ADAMTS3: variants seen among roughly 807,000 people sequenced by gnomAD.
ADAMTS3 encodes the protein A disintegrin and metalloproteinase with thrombospondin motifs 3.
In ADAMTS3, 73 loss-of-function variants were observed where a neutral mutation model predicts 129.0. The observed-to-expected ratio is 0.57, with a 90% CI of 0.47 to 0.69. The LOEUF (loss-of-function observed/expected upper bound fraction) is 0.69. ADAMTS3 is among the 30% of genes least tolerant of loss of function. The pLI, the probability that ADAMTS3 is intolerant of heterozygous loss-of-function variation, is 0.00. For synonymous variants in ADAMTS3, 477 were observed against 510.8 expected (o/e 0.93, Z 0.89); for missense variants, 1,457 against 1,514.5 (o/e 0.96, Z 0.63).
intron 3 of ADAMTS3, among the ~76,000 whole-genome samples, chr4:72,500,714 C>T (rs561483957): frequency 6.6e-6 from 1 of 151,984 alleles, no homozygotes; most frequent in Non-Finnish European, 1.5e-5. Flanking sequence ...TATGGTATTT[C>T]CCAGGTTTTC....
intron 8 of ADAMTS3, 51 bp from the exon 9 acceptor site, chr4:72,319,526 C>T: frequency 6.4e-7 from 1 of 1,555,392 alleles, no homozygotes; most frequent in East Asian, 2.3e-5. Flanking sequence ...ACTGCCTTCA[C>T]TTAATTTTGG....
chr4:72,500,287 T>C (rs1181672019), intron 3 of ADAMTS3, among the ~76,000 whole-genome samples: 1 of 152,138 alleles, frequency 6.6e-6, no homozygotes, highest in Non-Finnish European at 1.5e-5. Flanking sequence ...GCATCTGTTA[T>C]TTTTTGACTT....
At chr4:72,286,883 G>T (rs1319925722) in intron 21 of ADAMTS3, among the ~76,000 whole-genome samples, 1 of 152,038 alleles carries the variant, frequency 6.6e-6, no homozygotes, top group Non-Finnish European at 1.5e-5. Flanking sequence ...CAGTGGAGGG[G>T]CTAGGAAGAG....
chr4:72,399,192 G>C (rs1390197231), intron 4 of ADAMTS3, among the ~76,000 whole-genome samples: 1 of 152,166 alleles, frequency 6.6e-6, no homozygotes, highest in East Asian at 1.9e-4. Flanking sequence ...CACTTTGTGA[G>C]GCTTTGGTGG....
At chr4:72,296,323 TC>T (rs1434653062) in intron 18 of ADAMTS3, among the ~76,000 whole-genome samples, 1 of 152,036 alleles carries the variant, frequency 6.6e-6, no homozygotes, top group African/African-American at 2.4e-5. Flanking sequence ...GGCTAGAGGA[TC>T]ATGTGTGAAG....
Position 72,367,989 on chromosome 4 carries a change from G to A in ADAMTS3, c.662-28296C>T, listed in dbSNP as rs140166937. Among the ~76,000 whole-genome samples the A allele has an allele frequency of 3.0e-3, 456 of 152,034 alleles. 1 individual carries two copies. Among genetic ancestry groups the A allele is most frequent in the African/African-American group, 0.01 (435 of 41,452 alleles). On this transcript the variant is annotated intron_variant, in intron 4 of 21. Coordinates refer to ENST00000286657, the MANE Select transcript of ADAMTS3 (RefSeq NM_014243.3). ...GTAATTTAAAAAACAATAATTATACGCACTGTGACATATTTAGTAACATGA... is the reference window on the plus strand; with the variant it reads ...GTAATTTAAAAAACAATAATTATACACACTGTGACATATTTAGTAACATGA...
intron 3 of ADAMTS3, among the ~76,000 whole-genome samples, chr4:72,511,570 A>G (rs2110034391): frequency 6.6e-6 from 1 of 152,354 alleles, no homozygotes; most frequent in Non-Finnish European, 1.5e-5. Context: ...ATGCGATATT[A>G]TCTCACCTCA....
intron 4 of ADAMTS3, among the ~76,000 whole-genome samples, chr4:72,377,399 G>A (rs747006020): frequency 4.1e-4 from 62 of 152,202 alleles, no homozygotes; most frequent in Non-Finnish European, 7.9e-4. Flanking sequence ...AGGGGAAAAC[G>A]GAGAAAGGAG....
intron 8 of ADAMTS3, 92 bp from the exon 9 acceptor site, chr4:72,319,567 T>C: frequency 2.1e-6 from 3 of 1,440,120 alleles, no homozygotes; most frequent in Non-Finnish European, 2.8e-6. Context: ...AAATAACGTA[T>C]TTTTGAGTCA....
In ADAMTS3 at chr4:72,456,124, T is replaced by C. The variant is rs1341511827; in HGVS notation, c.505-41153A>G. ...TAGTATATATACTATATATATTTTA[T>C]ATATAGTATATATACTATATATATT... On this transcript the variant is annotated intron_variant, in intron 3 of 21. Coordinates refer to ENST00000286657, the MANE Select transcript of ADAMTS3 (RefSeq NM_014243.3). Among the ~76,000 whole-genome samples the C allele has an allele frequency of 3.6e-4, 18 of 50,596 alleles. 4 individuals carry two copies. Among genetic ancestry groups the C allele is most frequent in the East Asian group, 1.2e-3 (2 of 1,606 alleles). 33.2% of individuals were successfully genotyped at this position (50,596 alleles called of 152,430 possible).
chr4:72,376,685 T>C (rs1721140970), intron 4 of ADAMTS3, among the ~76,000 whole-genome samples: 1 of 152,186 alleles, frequency 6.6e-6, no homozygotes, highest in African/African-American at 2.4e-5. Context: ...ATGTTGCTGA[T>C]TGAGAACCTT....
intron 3 of ADAMTS3, among the ~76,000 whole-genome samples, chr4:72,462,305 C>G (rs1718791006): frequency 6.6e-6 from 1 of 151,886 alleles, no homozygotes; most frequent in Non-Finnish European, 1.5e-5. Context: ...TTATAAATCT[C>G]TTGGAAAATG....
chr4:72,490,238 A>C (rs1719704560), intron 3 of ADAMTS3, among the ~76,000 whole-genome samples: 1 of 151,920 alleles, frequency 6.6e-6, no homozygotes, highest in Non-Finnish European at 1.5e-5. Context: ...TGAGTTCTTC[A>C]TGTATTTTGC....
At chr4:72,301,290 C>T (rs1326407228) in intron 17 of ADAMTS3, among the ~76,000 whole-genome samples, 2 of 151,874 alleles carry the variant, frequency 1.3e-5, no homozygotes, top group African/African-American at 4.8e-5. Context: ...AATTGGACTT[C>T]GATAAAGCTA....
At chr4:72,514,902 G>A (rs1345191521) in intron 3 of ADAMTS3, among the ~76,000 whole-genome samples, 1 of 151,764 alleles carries the variant, frequency 6.6e-6, no homozygotes. Context: ...AGTTACATAT[G>A]TATACATGTG....
intron 3 of ADAMTS3, among the ~76,000 whole-genome samples, chr4:72,436,556 C>T (rs997548034): frequency 3.2e-4 from 49 of 152,024 alleles, no homozygotes; most frequent in Admixed American, 2.0e-4. Context: ...CACATGCACA[C>T]GTATGTTTAT....
chr4:72,383,182 T>C (rs114792392), intron 4 of ADAMTS3, among the ~76,000 whole-genome samples: 2,942 of 152,108 alleles, frequency 0.019, 72 homozygotes, highest in African/African-American at 0.068. Context: ...AGTTCACTTC[T>C]GGGATGGTTA....
At chr4:72,405,031 T>G (rs746740590) in intron 4 of ADAMTS3, among the ~76,000 whole-genome samples, 1 of 151,966 alleles carries the variant, frequency 6.6e-6, no homozygotes, top group Non-Finnish European at 1.5e-5. Context: ...ATGCCTGTGG[T>G]AAGAAAAATA....
At chr4:72,425,462 C>A (rs1722547665) in intron 3 of ADAMTS3, among the ~76,000 whole-genome samples, 1 of 151,968 alleles carries the variant, frequency 6.6e-6, no homozygotes. Flanking sequence ...TTAGGTATAT[C>A]TCCTAATGCT....
Sources: gnomAD v4.1 joint callset for allele counts (sites outside exome capture counted in the v4.1 genomes callset) on GRCh38, gnomAD v4.1.1 for gene constraint, MANE v1.5 for transcripts, NCBI Gene and HGNC (gene_info 2026-07-23, HGNC 2026-07-21) for gene names.